POU2F1: variants seen among roughly 807,000 people sequenced by gnomAD.
POU2F1 encodes POU class 2 homeobox 1.
POU2F1 carries 16 observed loss-of-function variants against 84.9 expected under a neutral mutation model. The observed-to-expected ratio is 0.19, with a 90% CI of 0.13 to 0.29. The LOEUF is 0.29. POU2F1 is among the 10% of genes least tolerant of loss of function. POU2F1 has a pLI of 1.00. For missense variants in POU2F1, 738 were observed against 942.6 expected (o/e 0.78, Z 2.84); for synonymous variants, 368 against 368.3 (o/e 1.00, Z 0.01).
chr1:167,267,536 A>G (rs1438714684), intron 1 of POU2F1, among the ~76,000 whole-genome samples: 1 of 151,346 alleles, frequency 6.6e-6, no homozygotes, highest in Non-Finnish European at 1.5e-5. Context: ...AAAATTGGCC[A>G]GAGATTCCTA....
Position 167,419,344 on chromosome 1 carries a change from T to G in POU2F1, c.*3534T>G, listed in dbSNP as rs941539296. On this transcript the variant is annotated 3_prime_UTR_variant, in exon 16 of 16. Transcript: ENST00000367866. ...TATTCTTTTTTTTTCCCCTTAATGT[T>G]TATGCAAATTTTATTTTATATTTCT... is the stretch of plus-strand genomic sequence containing the variant. 2.6e-5 allele frequency: 4 copies of G among 152,214 alleles called. No homozygotes were observed. The highest frequency in any genetic ancestry group is 9.6e-5 in the African/African-American group (4 of 41,466). The allele number at this position is 152,214 out of a possible 1,614,324, so 9.4% of individuals were successfully genotyped here. A position where few individuals can be genotyped will look rare whatever the true frequency, so the allele number is the denominator to read the frequency against.
chr1:167,318,709 G>C (rs537218691), intron 1 of POU2F1, among the ~76,000 whole-genome samples: 13 of 152,222 alleles, frequency 8.5e-5, no homozygotes, highest in Admixed American at 2.6e-4. Context: ...TTCTCAAACA[G>C]ATAGGCGGAC....
chr1:167,232,275 A>T (rs945856148), intron 1 of POU2F1, among the ~76,000 whole-genome samples: 24 of 152,226 alleles, frequency 1.6e-4, no homozygotes, highest in African/African-American at 5.5e-4. Flanking sequence ...ATGGACCAGT[A>T]TACAATGGCA....
intron 1 of POU2F1, among the ~76,000 whole-genome samples, chr1:167,266,618 A>G (rs1317474450): frequency 6.7e-6 from 1 of 149,820 alleles, no homozygotes; most frequent in Non-Finnish European, 1.5e-5. Context: ...TGGTAATACT[A>G]TTAATTTTTT....
At chr1:167,322,434 T>C (rs1656378294) in intron 1 of POU2F1, among the ~76,000 whole-genome samples, 1 of 152,238 alleles carries the variant, frequency 6.6e-6, no homozygotes, top group African/African-American at 2.4e-5. Context: ...CCATCCTCAC[T>C]GGCAAGGGTT....
chr1:167,385,665 A>G (rs1055321245), intron 8 of POU2F1, among the ~76,000 whole-genome samples: 42 of 152,212 alleles, frequency 2.8e-4, no homozygotes, highest in African/African-American at 1.0e-3. Flanking sequence ...TTGATGGGTC[A>G]TAGACCTAAA....
intron 1 of POU2F1, among the ~76,000 whole-genome samples, chr1:167,321,910 CA>C (rs2102635406): frequency 6.6e-6 from 1 of 152,250 alleles, no homozygotes; most frequent in African/African-American, 2.4e-5. Flanking sequence ...AATCTCTCCC[CA>C]ATAAATTTAT....
At chr1:167,337,692 C>T (rs1178076873) in intron 2 of POU2F1, among the ~76,000 whole-genome samples, 1 of 98,134 alleles carries the variant, frequency 1.0e-5, no homozygotes, top group Non-Finnish European at 2.2e-5. Context: ...CCACCCCCTG[C>T]AAAAAAAAAA....
intron 8 of POU2F1, chr1:167,387,362 G>C (rs960051061): frequency 2.6e-6 from 1 of 389,276 alleles, no homozygotes; most frequent in South Asian, 1.9e-5. Context: ...CAGTTTCGCT[G>C]TGAGAAATGT....
intron 2 of POU2F1, among the ~76,000 whole-genome samples, chr1:167,343,632 A>ATTTTTTTTT (rs869170039): frequency 2.9e-5 from 2 of 69,398 alleles, no homozygotes; most frequent in Non-Finnish European, 5.6e-5. Context: ...CCAGGGGTCA[A>ATTTTTTTTT]TTTTTTTTTT....
intron 1 of POU2F1, among the ~76,000 whole-genome samples, chr1:167,287,568 T>G (rs762167158): frequency 2.0e-5 from 3 of 152,162 alleles, no homozygotes. Flanking sequence ...TGAAGAATGG[T>G]TTAGGAAATT....
chr1:167,286,011 G>A (rs1253747462), intron 1 of POU2F1, among the ~76,000 whole-genome samples: 2 of 152,130 alleles, frequency 1.3e-5, no homozygotes, highest in Non-Finnish European at 2.9e-5. Context: ...ATTAGGGAAG[G>A]TGAAGAAATA....
chr1:167,304,853 C>A (rs960333471), intron 1 of POU2F1, among the ~76,000 whole-genome samples: 1 of 152,002 alleles, frequency 6.6e-6, no homozygotes, highest in African/African-American at 2.4e-5. Context: ...TTTCATAAGA[C>A]ATTTTAAAAA....
At chr1:167,274,585 G>C (rs1652590679) in intron 1 of POU2F1, among the ~76,000 whole-genome samples, 1 of 151,802 alleles carries the variant, frequency 6.6e-6, no homozygotes, top group Non-Finnish European at 1.5e-5. Flanking sequence ...GCTATGTATT[G>C]GGTCTATATT....
In POU2F1 at chr1:167,413,019, C is replaced by G; in HGVS notation, c.1902-7C>G. 2 of 1,612,084 alleles carry G rather than the reference C, an allele frequency of 1.2e-6. No individual in the cohort carries two copies. Among genetic ancestry groups the G allele is most frequent in the Non-Finnish European group, 1.7e-6 (2 of 1,178,202 alleles). ...GTAATAAAGTGACTCCTCTTTTGGA[C>G]TTGCAGAGGTGCCTTACTCAGTCTG... is the stretch of plus-strand genomic sequence containing the variant. On this transcript the variant is annotated splice_region_variant and splice_polypyrimidine_tract_variant and intron_variant, in intron 14 of 15. Transcript: ENST00000367866.
intron 10 of POU2F1, chr1:167,396,686 AACACACACACAC>A: frequency 3.1e-6 from 1 of 324,638 alleles, no homozygotes; most frequent in Non-Finnish European, 5.7e-6. Context: ...CAGGATTAGG[AACACACACACAC>A]ACACACACAC....
chr1:167,357,946 G>A (rs1659077421), intron 2 of POU2F1, among the ~76,000 whole-genome samples: 1 of 148,994 alleles, frequency 6.7e-6, no homozygotes, highest in Non-Finnish European at 1.5e-5. Flanking sequence ...TGGGACTACA[G>A]GCGCACATCA....
chr1:167,401,294 A>C (rs900132911), intron 12 of POU2F1, among the ~76,000 whole-genome samples, 157 bp from the exon 13 acceptor site: 2 of 152,344 alleles, frequency 1.3e-5, no homozygotes, highest in African/African-American at 4.8e-5. Flanking sequence ...AGGCAAAGCT[A>C]TCTGTGATAT....
At chr1:167,317,348 C>T (rs1655978353) in intron 1 of POU2F1, among the ~76,000 whole-genome samples, 1 of 152,170 alleles carries the variant, frequency 6.6e-6, no homozygotes, top group Non-Finnish European at 1.5e-5. Context: ...CAGTTACAAG[C>T]CTTCTGAAAC....
Sources: gnomAD v4.1 joint callset for allele counts (sites outside exome capture counted in the v4.1 genomes callset) on GRCh38, gnomAD v4.1.1 for gene constraint, MANE v1.5 for transcripts, NCBI Gene and HGNC (gene_info 2026-07-23, HGNC 2026-07-21) for gene names.